Variants in BICRA observed in about 807,000 individuals in gnomAD.
BICRA encodes BRD4 interacting chromatin remodeling complex associated protein, also known as BRD4-interacting chromatin-remodeling complex-associated protein.
In BICRA, 31 loss-of-function variants were observed where a neutral mutation model predicts 96.9. The ratio of observed to expected loss-of-function variants is 0.32; its 90% CI spans 0.24 to 0.43. The LOEUF is 0.43. BICRA is among the 20% of genes least tolerant of loss of function. The pLI is 1.00. For synonymous variants in BICRA, 1,350 were observed against 1,071.8 expected (o/e 1.26, Z -5.07); for missense variants, 2,283 against 2,190.3 (o/e 1.04, Z -0.84).
rs184439798 is a variant in BICRA at position 47,630,286 on chromosome 19, G to A, written c.-108+21118G>A. 9.9e-3 allele frequency among the ~76,000 whole-genome samples: 1,484 copies of A among 150,284 alleles called. 28 individuals carry two copies. The highest frequency in any genetic ancestry group is 0.035 in the African/African-American group (1,423 of 40,902). Reference sequence around the variant, plus strand: ...CGCCATTCTCCTGCCTCAGCCTTCTGAGTAGCTGGGACTATAGGCGTCCGC... The same window carrying A: ...CGCCATTCTCCTGCCTCAGCCTTCTAAGTAGCTGGGACTATAGGCGTCCGC... On this transcript the variant is annotated intron_variant, in intron 1 of 14. Transcript: ENST00000594866.
At chr19:47,631,290 C>T (rs1282647959) in intron 1 of BICRA, among the ~76,000 whole-genome samples, 1 of 151,982 alleles carries the variant, frequency 6.6e-6, no homozygotes, top group East Asian at 1.9e-4. Context: ...TGCAGTGGCG[C>T]AATCTTGGCT....
chr19:47,689,111 G>A (rs938444489), intron 7 of BICRA, among the ~76,000 whole-genome samples: 2 of 152,100 alleles, frequency 1.3e-5, no homozygotes, highest in African/African-American at 4.8e-5. Context: ...ACAGGTGTGA[G>A]CCACTATGCC....
chr19:47,626,815 G>C (rs887717153), intron 1 of BICRA, among the ~76,000 whole-genome samples: 1 of 147,420 alleles, frequency 6.8e-6, no homozygotes, highest in Admixed American at 7.0e-5. Flanking sequence ...TCCACCTCCC[G>C]GGTTCAAGCA....
chr19:47,699,258 CCTT>C lies in BICRA; in HGVS notation c.3493-41_3493-39del, dbSNP rs1568580189. On this transcript the variant is annotated intron_variant, in intron 13 of 14. Transcript: ENST00000594866. This position sits in a 1 kb window ranked among gnomAD's most constrained non-coding sequence, Gnocchi z 5.0. The stretch of plus-strand genomic sequence containing the variant: ...GTCCCCGTCGCTCGCGCCCCTTCCC[CCTT>C]CTTGCTGGTTCACTCGCACGTCGTC... 2 of 1,157,928 alleles carry C rather than the reference CCTT, an allele frequency of 1.7e-6. No homozygotes were observed. Among genetic ancestry groups the C allele is most frequent in the East Asian group, 2.6e-5 (1 of 39,182 alleles). The allele number at this position is 1,157,928 out of a possible 1,614,324, so 71.7% of individuals were successfully genotyped here. A position where few individuals can be genotyped will look rare whatever the true frequency, so the allele number is the denominator to read the frequency against.
Position 47,699,038 on chromosome 19 carries a change from C to T in BICRA, c.3471C>T (p.Leu1157=), listed in dbSNP as rs539641744. 4 of 1,576,916 alleles carry T rather than the reference C, an allele frequency of 2.5e-6. No individual in the cohort carries two copies. In the South Asian group the frequency reaches 3.5e-5, roughly 14 times the overall value. The change falls in exon 13 of 15, where the codon CTC becomes CTT. Residue 1157 remains leucine (L), a synonymous_variant. Coordinates refer to ENST00000594866, the MANE Select transcript of BICRA (RefSeq NM_001394372.1). The surrounding 1 kb of genome is among the most constrained non-coding windows in gnomAD (Gnocchi z 5.0). ...AGGCCATGCTCAATAAATATCGGCT[C>T]CTGCTCCTGGAGGAGTCCCGGGTAG... ...RTQAMLNKYR[L]LLLEESRRVS...
intron 5 of BICRA, among the ~76,000 whole-genome samples, chr19:47,678,717 A>G (rs1292381528): frequency 6.7e-6 from 1 of 149,680 alleles, no homozygotes; most frequent in Non-Finnish European, 1.5e-5. Context: ...GGCGTGAGTC[A>G]CTGTGGCCTT....
chr19:47,623,474 AGCTGCT>A (rs1159270645), intron 1 of BICRA, among the ~76,000 whole-genome samples: 1 of 152,302 alleles, frequency 6.6e-6, no homozygotes, highest in Non-Finnish European at 1.5e-5. Flanking sequence ...TCACACAGGG[AGCTGCT>A]GCCTGAGCTG....
chr19:47,694,401 C>A lies in BICRA; in HGVS notation c.2570C>A (p.Pro857Gln). 9.6e-7 allele frequency: 1 copy of A among 1,041,284 alleles called. No individual in the cohort carries two copies. The highest frequency in any genetic ancestry group is 1.5e-6 in the Non-Finnish European group (1 of 681,702). 64.5% of individuals were successfully genotyped at this position (1,041,284 alleles called of 1,614,324 possible). ...ASNPAPTAPG[P>Q]PQPPLRPQSQ... Reference sequence around the variant, plus strand: ...AACCCGGCCCCTACTGCCCCAGGCCCGCCGCAGCCGCCTCTCCGCCCCCAG... The same window carrying A: ...AACCCGGCCCCTACTGCCCCAGGCCAGCCGCAGCCGCCTCTCCGCCCCCAG... Residue 857 changes from proline (P) to glutamine (Q), a missense_variant, in exon 8 of 15, where the codon CCG becomes CAG. Transcript: ENST00000594866.
intron 2 of BICRA, among the ~76,000 whole-genome samples, chr19:47,671,473 A>G (rs1972860470): frequency 6.6e-6 from 1 of 152,152 alleles, no homozygotes; most frequent in African/African-American, 2.4e-5. Context: ...CCATTCAGGG[A>G]TCAGGTCTTC....
At position 47,681,037 on chromosome 19, in the gene BICRA, C is replaced by A; in HGVS notation, c.1867C>A (p.Pro623Thr). 7.0e-7 allele frequency: 1 copy of A among 1,423,312 alleles called. No homozygotes were observed. The highest frequency in any genetic ancestry group is 9.1e-7 in the Non-Finnish European group (1 of 1,097,876). The allele number at this position is 1,423,312 out of a possible 1,614,324, so 88.2% of individuals were successfully genotyped here. A position where few individuals can be genotyped will look rare whatever the true frequency, so the allele number is the denominator to read the frequency against. The change falls in exon 6 of 15, where the codon CCT becomes ACT. Residue 623 changes from proline (P) to threonine (T), a missense_variant. Physicochemically the swap from Pro to Thr is conservative, Grantham distance 38. Coordinates refer to ENST00000594866, the MANE Select transcript of BICRA (RefSeq NM_001394372.1). ...GEAAPVLTVQ[P>T]APQAPPAVST... is the part of the protein sequence containing the mutation. Reference sequence around the variant, plus strand: ...GGCCGCGCCTGTCCTCACGGTGCAGCCTGCCCCCCAGGCGCCCCCCGCGGT... The same window carrying A: ...GGCCGCGCCTGTCCTCACGGTGCAGACTGCCCCCCAGGCGCCCCCCGCGGT...
At chr19:47,631,797 C>T (rs560006501) in intron 1 of BICRA, among the ~76,000 whole-genome samples, 1 of 152,194 alleles carries the variant, frequency 6.6e-6, no homozygotes, top group East Asian at 1.9e-4. Context: ...TACAGGTGCA[C>T]ACTACCACGC....
At chr19:47,693,926 G>A (rs559492132) in intron 7 of BICRA, among the ~76,000 whole-genome samples, 189 bp from the exon 8 acceptor site, 133 of 152,254 alleles carry the variant, frequency 8.7e-4, no homozygotes, top group African/African-American at 3.0e-3. Flanking sequence ...GGCAGGTGGA[G>A]GGGGTGCTGT....
intron 7 of BICRA, among the ~76,000 whole-genome samples, chr19:47,684,843 G>A (rs1973120707): frequency 6.6e-6 from 1 of 152,230 alleles, no homozygotes; most frequent in African/African-American, 2.4e-5. Context: ...GCTTAGTGGA[G>A]CTCTCTGAGG....
At chr19:47,697,759 T>A (rs1973370234) in intron 11 of BICRA, among the ~76,000 whole-genome samples, 1 of 152,178 alleles carries the variant, frequency 6.6e-6, no homozygotes, top group South Asian at 2.1e-4. Context: ...AGTACAAGTG[T>A]GAGCCACCAT....
At position 47,702,722 on chromosome 19, in the gene BICRA, C is replaced by G. The variant is rs140189375; in HGVS notation, c.*307C>G. 2.4e-6 allele frequency: 1 copy of G among 410,552 alleles called. No individual in the cohort carries two copies. The highest frequency in any genetic ancestry group is 4.3e-6 in the Non-Finnish European group (1 of 231,488). The allele number at this position is 410,552 out of a possible 1,614,324, so 25.4% of individuals were successfully genotyped here. A position where few individuals can be genotyped will look rare whatever the true frequency, so the allele number is the denominator to read the frequency against. On this transcript the variant is annotated 3_prime_UTR_variant, in exon 15 of 15. Coordinates refer to ENST00000594866, the MANE Select transcript of BICRA (RefSeq NM_001394372.1). ...ACTCTGCCCCTCTGTCCGGGGGACACGCGCATGTGTTTGCCAGGGATGGGG... is the reference window on the plus strand; with the variant it reads ...ACTCTGCCCCTCTGTCCGGGGGACAGGCGCATGTGTTTGCCAGGGATGGGG...
intron 1 of BICRA, among the ~76,000 whole-genome samples, chr19:47,610,389 G>A (rs112149196): frequency 2.0e-5 from 3 of 152,210 alleles, no homozygotes; most frequent in Non-Finnish European, 4.4e-5. Flanking sequence ...CTCGGGCGCC[G>A]GCGGTGATTG....
At chr19:47,609,119 G>T (rs1478632199), upstream of BICRA, 3 of 148,734 alleles carry the variant, frequency 2.0e-5, no homozygotes, top group Non-Finnish European at 3.0e-5. Context: ...TTTGCAGCCC[G>T]TGCGGGGCCG....
At chr19:47,642,725 GAAAA>G (rs973450686) in intron 1 of BICRA, among the ~76,000 whole-genome samples, 4 of 152,050 alleles carry the variant, frequency 2.6e-5, no homozygotes, top group African/African-American at 9.6e-5. Flanking sequence ...AAAAGAAAAA[GAAAA>G]AAGAAAGAAA....
Position 47,624,738 on chromosome 19 carries a change from A to C in BICRA, c.-108+15570A>C, listed in dbSNP as rs555048264. On this transcript the variant is annotated intron_variant, in intron 1 of 14. Coordinates refer to ENST00000594866, the MANE Select transcript of BICRA (RefSeq NM_001394372.1). ...AAGATAGGGTCTCATTCTGTCGCCCAGGCTGGAATGCAGTGGTGTGATCAT... is the reference window on the plus strand; with the variant it reads ...AAGATAGGGTCTCATTCTGTCGCCCCGGCTGGAATGCAGTGGTGTGATCAT... Among the ~76,000 whole-genome samples the C allele has an allele frequency of 1.7e-4, 25 of 151,236 alleles. No homozygotes were observed. The South Asian group carries it at 5.0e-3, about 30-fold the overall frequency.
Sources: gnomAD v4.1 joint callset for allele counts (sites outside exome capture counted in the v4.1 genomes callset) on GRCh38, gnomAD v4.1.1 for gene constraint, Gnocchi (gnomAD v3.1) non-coding constraint, MANE v1.5 for transcripts, NCBI Gene and HGNC (gene_info 2026-07-23, HGNC 2026-07-21) for gene names.